The following NUP214 variants were observed in gnomAD, a reference collection of about 807,000 sequenced individuals.
The protein encoded by NUP214 is nuclear pore complex protein Nup214.
A neutral mutation model predicts 196.2 loss-of-function variants in NUP214; 79 were observed. The observed-to-expected ratio is 0.40, with a 90% CI of 0.34 to 0.49. NUP214 has a LOEUF of 0.49. NUP214 is among the 20% of genes least tolerant of loss of function. The probability of loss-of-function intolerance (pLI) is 0.58; values close to 1 mark genes in which losing one functional copy is unlikely to be tolerated. For missense variants in NUP214, 2,468 were observed against 2,539.0 expected (o/e 0.97, Z 0.60); for synonymous variants, 1,020 against 990.5 (o/e 1.03, Z -0.56).
intron 8 of NUP214, 149 bp from the exon 9 acceptor site, chr9:131,135,791 A>C: frequency 1.7e-6 from 1 of 585,482 alleles, no homozygotes; most frequent in Admixed American, 3.2e-5. Flanking sequence ...TTACATCTAG[A>C]ATCTTCCCAC....
chr9:131,132,134 T>TC (rs1831569441), intron 5 of NUP214, among the ~76,000 whole-genome samples: 1 of 149,752 alleles, frequency 6.7e-6, no homozygotes, highest in Admixed American at 6.7e-5. Flanking sequence ...TTTTTTTTTT[T>TC]TGGAGACCAA....
At chr9:131,208,339 C>T (rs2131066916) in intron 30 of NUP214, among the ~76,000 whole-genome samples, 1 of 152,318 alleles carries the variant, frequency 6.6e-6, no homozygotes, top group South Asian at 2.1e-4. Flanking sequence ...TGTCAAACAG[C>T]AGATGAATGG....
At chr9:131,175,926 C>T in intron 23 of NUP214, 1 of 287,356 alleles carries the variant, frequency 3.5e-6, no homozygotes, top group South Asian at 8.4e-5. Flanking sequence ...CTGCTTAGAG[C>T]CCTAAAATTA....
intron 9 of NUP214, among the ~76,000 whole-genome samples, chr9:131,136,288 G>T (rs1831726566): frequency 6.6e-6 from 1 of 152,208 alleles, no homozygotes; most frequent in Non-Finnish European, 1.5e-5. Context: ...TTCTGAAAAA[G>T]ATTTTGGAGG....
rs71389402 is a variant in NUP214 at position 131,193,629 on chromosome 9, C to CTTTTTTTTTTTTTTTTTTTTTTT, written c.3659+1348_3659+1370dup. Among the ~76,000 whole-genome samples, 217 of 28,232 alleles carry CTTTTTTTTTTTTTTTTTTTTTTT rather than the reference C, an allele frequency of 7.7e-3. 91 individuals are homozygous for CTTTTTTTTTTTTTTTTTTTTTTT. Among genetic ancestry groups the CTTTTTTTTTTTTTTTTTTTTTTT allele is most frequent in the Middle Eastern group, 0.1 (2 of 20 alleles). 18.5% of individuals were successfully genotyped at this position (28,232 alleles called of 152,430 possible). On this transcript the variant is annotated intron_variant, in intron 27 of 35. Transcript: ENST00000359428. Reference sequence around the variant, plus strand: ...GTGAAATGATATTCTTCTTCCTTTTCTTTTTTTTTTTTTTTTTTTTTTTTT... The same window carrying CTTTTTTTTTTTTTTTTTTTTTTT: ...GTGAAATGATATTCTTCTTCCTTTTCTTTTTTTTTTTTTTTTTTTTTTTTTTTTTTTTTTTTTTTTTTTTTTTT...
At chr9:131,154,183 T>C (rs1027695721) in intron 17 of NUP214, among the ~76,000 whole-genome samples, 2 of 152,232 alleles carry the variant, frequency 1.3e-5, no homozygotes, top group Non-Finnish European at 2.9e-5. Context: ...TTTCTCTTTT[T>C]CAGATAGGAC....
In NUP214 at chr9:131,128,610, A is replaced by G; in HGVS notation, c.393+127A>G. On this transcript the variant is annotated intron_variant, in intron 3 of 35. Transcript: ENST00000359428. ...CTCTCTAGATTAAAATATGGGTTAA[A>G]AAAAAATCCTTAATTATAGAATCAT... 4.0e-6 allele frequency: 3 copies of G among 750,150 alleles called. No individual in the cohort carries two copies. The Admixed American group carries it at 9.5e-5, about 24-fold the overall frequency. 46.5% of individuals were successfully genotyped at this position (750,150 alleles called of 1,614,324 possible).
intron 33 of NUP214, chr9:131,229,249 G>C (rs1210642806): frequency 6.2e-6 from 1 of 160,124 alleles, no homozygotes; most frequent in African/African-American, 2.4e-5. Flanking sequence ...GCAAGATGCT[G>C]GAGCGCAGCA....
intron 22 of NUP214, among the ~76,000 whole-genome samples, chr9:131,175,090 C>T (rs901118337): frequency 2.6e-5 from 4 of 152,116 alleles, no homozygotes; most frequent in African/African-American, 9.7e-5. Context: ...AGGTGTTGTG[C>T]CCCCACACTT....
chr9:131,210,711 A>T (rs1472345284), intron 30 of NUP214, among the ~76,000 whole-genome samples: 1 of 152,206 alleles, frequency 6.6e-6, no homozygotes, highest in Non-Finnish European at 1.5e-5. Context: ...TAGGCTTAAC[A>T]GCAGAGTGAA....
chr9:131,165,781 A>C (rs953706417), intron 21 of NUP214, among the ~76,000 whole-genome samples: 1 of 152,272 alleles, frequency 6.6e-6, no homozygotes, highest in East Asian at 1.9e-4. Context: ...AATATTATTC[A>C]GTCTTTAAAA....
intron 2 of NUP214, among the ~76,000 whole-genome samples, 183 bp from the exon 3 acceptor site, chr9:131,128,149 C>G (rs1043672664): frequency 1.3e-5 from 2 of 152,134 alleles, no homozygotes; most frequent in Non-Finnish European, 2.9e-5. Flanking sequence ...GGAAGAATTC[C>G]AGGGATACTT....
At chr9:131,129,928 A>G (rs560542831) in intron 4 of NUP214, among the ~76,000 whole-genome samples, 235 of 151,826 alleles carry the variant, frequency 1.5e-3, no homozygotes, top group African/African-American at 5.5e-3. Flanking sequence ...ACCCATAGTT[A>G]ATGTCCTTGA....
chr9:131,232,152 C>A lies in NUP214; in HGVS notation c.6215-132C>A. The A allele has an allele frequency of 1.2e-6, 1 of 863,794 alleles. No individual in the cohort carries two copies. The highest frequency in any genetic ancestry group is 2.0e-6 in the Non-Finnish European group (1 of 504,924). The allele number at this position is 863,794 out of a possible 1,614,324, so 53.5% of individuals were successfully genotyped here. A position where few individuals can be genotyped will look rare whatever the true frequency, so the allele number is the denominator to read the frequency against. ...GGGCTTCTGTGTGTACCTTTCCTGC[C>A]TTCCTGTAGGTGGTGGAGGCACGGA... On this transcript the variant is annotated intron_variant, in intron 34 of 35. Transcript: ENST00000359428. This position sits in a 1 kb window ranked among gnomAD's most constrained non-coding sequence, Gnocchi z 5.1.
chr9:131,183,496 G>A (rs1057068527), intron 24 of NUP214, among the ~76,000 whole-genome samples: 54 of 152,176 alleles, frequency 3.5e-4, no homozygotes, highest in African/African-American at 1.3e-3. Flanking sequence ...TTGCCATCTG[G>A]TATAATTTTT....
chr9:131,217,134 T>C (rs553027620), intron 31 of NUP214, among the ~76,000 whole-genome samples: 336 of 152,290 alleles, frequency 2.2e-3, no homozygotes, highest in African/African-American at 7.8e-3. Context: ...AATCAAAAAC[T>C]AGTCAGTTTT....
Position 131,125,588 on chromosome 9 carries a change from G to T in NUP214, c.-117G>T. On this transcript the variant is annotated 5_prime_UTR_variant, in exon 1 of 36. The change creates a new upstream start codon in the 5' untranslated region. Transcript: ENST00000359428. This position sits in a 1 kb window ranked among gnomAD's most constrained non-coding sequence, Gnocchi z 4.1. ...TCACCAAAGCGCGCCGGAAATGCGA[G>T]GTCAACTGCGCGCCGCTGGCGCTGA... 1 of 1,547,380 alleles carries T rather than the reference G, an allele frequency of 6.5e-7. No homozygotes were observed. Among genetic ancestry groups the T allele is most frequent in the Non-Finnish European group, 8.7e-7 (1 of 1,144,756 alleles).
intron 11 of NUP214, among the ~76,000 whole-genome samples, chr9:131,143,274 T>C (rs1423092490): frequency 2.0e-5 from 3 of 152,100 alleles, no homozygotes; most frequent in Non-Finnish European, 4.4e-5. Flanking sequence ...CTCCCAAAGC[T>C]CTGGGATTAC....
intron 21 of NUP214, chr9:131,167,105 C>T (rs528705692): frequency 6.6e-6 from 1 of 152,294 alleles, no homozygotes; most frequent in East Asian, 1.9e-4. Context: ...ATCTAGGATC[C>T]AATCCAGGAT....
Sources: gnomAD v4.1 joint callset for allele counts (sites outside exome capture counted in the v4.1 genomes callset) on GRCh38, gnomAD v4.1.1 for gene constraint, Gnocchi (gnomAD v3.1) non-coding constraint, MANE v1.5 for transcripts, NCBI Gene and HGNC (gene_info 2026-07-23, HGNC 2026-07-21) for gene names.